The following RARB variants were observed in gnomAD, a reference collection of about 807,000 sequenced individuals.
The protein encoded by RARB is HBV-activated protein.
RARB carries 17 observed loss-of-function variants against 51.9 expected under a neutral mutation model. That is an observed-to-expected ratio of 0.33 (90% CI 0.22 to 0.49). The LOEUF is 0.49. Ranked by LOEUF, RARB falls within the 20% of genes least tolerant of loss-of-function variation. RARB has a pLI of 0.99. For missense variants in RARB, 369 were observed against 550.8 expected, an observed-to-expected ratio of 0.67 and a Z score of 3.30; for synonymous variants, 215 against 195.4, an observed-to-expected ratio of 1.10 and a Z score of -0.84.
chr3:24,909,086 T>A (rs984944624), intron 2 of RARB, among the ~76,000 whole-genome samples: 1 of 152,164 alleles, frequency 6.6e-6, no homozygotes, highest in African/African-American at 2.4e-5. Flanking sequence ...TTCATGACCC[T>A]AGGAGACAGG....
At chr3:25,569,965 T>C in intron 4 of RARB, 47 bp downstream of exon 4, 1 of 1,554,832 alleles carries the variant, frequency 6.4e-7, no homozygotes, top group East Asian at 2.3e-5. Context: ...GGAAACCTTG[T>C]ACGTGCATGT....
intron 5 of RARB, among the ~76,000 whole-genome samples, chr3:25,199,040 C>CTAAGT (rs1462072647): frequency 6.6e-6 from 1 of 152,014 alleles, no homozygotes; most frequent in Non-Finnish European, 1.5e-5. Flanking sequence ...TGGTGGCGAC[C>CTAAGT]TAAGTGTCCA....
chr3:25,133,906 A>G (rs1304139029), intron 4 of RARB, among the ~76,000 whole-genome samples: 1 of 151,404 alleles, frequency 6.6e-6, no homozygotes, highest in Non-Finnish European at 1.5e-5. Context: ...ATTAAATATT[A>G]CAGTCCTGTT....
chr3:25,593,237 TGAGTC>T (rs1701683387), intron 5 of RARB, among the ~76,000 whole-genome samples: 1 of 152,088 alleles, frequency 6.6e-6, no homozygotes, highest in Admixed American at 6.5e-5. Context: ...AATGTTTATT[TGAGTC>T]AAGTAATGAA....
chr3:25,341,217 A>C (rs887056328), intron 5 of RARB, among the ~76,000 whole-genome samples: 12 of 152,228 alleles, frequency 7.9e-5, no homozygotes, highest in African/African-American at 2.9e-4. Flanking sequence ...GGCATGAAGC[A>C]GACCTTTAAT....
At chr3:24,962,782 G>A (rs1696170167) in intron 2 of RARB, among the ~76,000 whole-genome samples, 1 of 152,158 alleles carries the variant, frequency 6.6e-6, no homozygotes, top group South Asian at 2.1e-4. Flanking sequence ...AAGGTTGGGG[G>A]TTGCTACACT....
chr3:24,898,719 C>T (rs1337272586), intron 2 of RARB, among the ~76,000 whole-genome samples: 5 of 152,160 alleles, frequency 3.3e-5, no homozygotes, highest in South Asian at 2.1e-4. Flanking sequence ...TCCCCTATAG[C>T]GGATATATTG....
At chr3:25,168,563 T>C (rs1001384340) in intron 4 of RARB, among the ~76,000 whole-genome samples, 20 of 151,388 alleles carry the variant, frequency 1.3e-4, no homozygotes, top group African/African-American at 4.9e-4. Flanking sequence ...TATCAGAAAA[T>C]ACGTGGCAGT....
At chr3:25,375,906 G>C (rs1453756690) in intron 5 of RARB, among the ~76,000 whole-genome samples, 1 of 152,128 alleles carries the variant, frequency 6.6e-6, no homozygotes, top group Non-Finnish European at 1.5e-5. Context: ...CCATTTACTA[G>C]CTATGTGGCC....
intron 5 of RARB, among the ~76,000 whole-genome samples, chr3:25,581,690 C>T (rs934330839): frequency 1.1e-4 from 17 of 152,126 alleles, no homozygotes; most frequent in African/African-American, 3.9e-4. Flanking sequence ...TGGGCGGGGG[C>T]GATTAGGTTT....
At chr3:24,958,685 A>G (rs1215093660) in intron 2 of RARB, among the ~76,000 whole-genome samples, 2 of 152,180 alleles carry the variant, frequency 1.3e-5, no homozygotes, top group Non-Finnish European at 2.9e-5. Flanking sequence ...ATTAAATAGA[A>G]GTTATAGAGT....
chr3:24,843,875 T>C (rs1702451273), intron 1 of RARB, among the ~76,000 whole-genome samples: 1 of 150,780 alleles, frequency 6.6e-6, no homozygotes, highest in Admixed American at 6.7e-5. Flanking sequence ...TTCACCATTC[T>C]TTTGTTGTTT....
At chr3:24,876,427 T>G (rs571900052) in intron 2 of RARB, among the ~76,000 whole-genome samples, 1 of 152,256 alleles carries the variant, frequency 6.6e-6, no homozygotes, top group East Asian at 1.9e-4. Flanking sequence ...AATGCAAATA[T>G]TATTATGGGT....
intron 4 of RARB, among the ~76,000 whole-genome samples, chr3:25,570,935 T>C (rs1700681107): frequency 2.2e-5 from 3 of 135,920 alleles, no homozygotes; most frequent in South Asian, 4.6e-4. Flanking sequence ...AAAATAGTGA[T>C]ACCAGAAAGA....
chr3:25,296,616 A>G (rs1703920764), intron 5 of RARB, among the ~76,000 whole-genome samples: 1 of 152,190 alleles, frequency 6.6e-6, no homozygotes, highest in Admixed American at 6.5e-5. Context: ...CTGGCAGAGA[A>G]AGAATGAAAT....
chr3:25,338,543 A>G (rs1218731338), intron 5 of RARB, among the ~76,000 whole-genome samples: 1 of 152,146 alleles, frequency 6.6e-6, no homozygotes, highest in Non-Finnish European at 1.5e-5. Context: ...AGTTACTTTG[A>G]CATCTAGCCA....
chr3:24,943,822 C>T (rs918537752), intron 2 of RARB, among the ~76,000 whole-genome samples: 1 of 152,162 alleles, frequency 6.6e-6, no homozygotes, highest in Admixed American at 6.6e-5. Flanking sequence ...CATTTGAAAA[C>T]TTAGCATTCA....
chr3:25,450,081 G>A (rs545952136), intron 1 of RARB, among the ~76,000 whole-genome samples: 1 of 152,178 alleles, frequency 6.6e-6, no homozygotes, highest in African/African-American at 2.4e-5. Context: ...GTCACTCTGG[G>A]GATCAGATGT....
At chr3:25,380,238 T>A (rs1213658186) in intron 5 of RARB, among the ~76,000 whole-genome samples, 1 of 152,128 alleles carries the variant, frequency 6.6e-6, no homozygotes, top group African/African-American at 2.4e-5. Context: ...AGTGACAGGA[T>A]CCTCGCATGC....
Sources: allele counts gnomAD v4.1 joint callset (sites outside exome capture counted in the v4.1 genomes callset), GRCh38; gene constraint gnomAD v4.1.1; transcripts MANE v1.5; gene names NCBI Gene and HGNC (gene_info 2026-07-23, HGNC 2026-07-21).